The following ERMAP variants were observed in gnomAD, a reference collection of about 807,000 sequenced individuals.
ERMAP encodes erythroid membrane-associated protein.
ERMAP carries 34 observed loss-of-function variants against 49.5 expected under a neutral mutation model. That is an observed-to-expected ratio of 0.69 (90% confidence interval 0.52 to 0.91). The LOEUF is 0.91. ERMAP is among the 40% of genes least tolerant of loss of function. ERMAP has a pLI of 0.00. For synonymous variants in ERMAP, 214 were observed against 232.2 expected (o/e 0.92, Z 0.71); for missense variants, 541 against 582.6 (o/e 0.93, Z 0.74).
intron 1 of ERMAP, among the ~76,000 whole-genome samples, chr1:42,821,223 A>C (rs1320419966): frequency 2.6e-5 from 4 of 151,984 alleles, no homozygotes; most frequent in Admixed American, 6.6e-5. Flanking sequence ...TTCCTTTTGC[A>C]CTCCAAGATT....
At chr1:42,831,571 T>TTTTTC (rs1553149742) in intron 4 of ERMAP, among the ~76,000 whole-genome samples, 15 of 79,902 alleles carry the variant, frequency 1.9e-4, no homozygotes, top group East Asian at 5.0e-4. Context: ...TTTTTTTTTT[T>TTTTTC]TCTCTTTTTT....
Position 42,830,497 on chromosome 1 carries a change from CCT to C in ERMAP, c.53_54del (p.Leu18ArgfsTer70). On this transcript the variant is annotated frameshift_variant, in exon 3 of 12. Transcript: ENST00000372517. LOFTEE classifies it high-confidence loss of function. ...CTCCTGGCTCTCTGGCTGCCTCATC[CCT>C]CTCGTCTTCCTCCGGCTGTCTGTGC... Reference protein sequence around the residue: ...AGSWLSGCLIPLVFLRLSVHV... With the variant: ...AGSWLSGCLIXLVFLRLSVHV... The C allele has an allele frequency of 6.2e-7, 1 of 1,614,180 alleles. No individual in the cohort carries two copies.
At chr1:42,823,167 A>C (rs1654445939) in intron 1 of ERMAP, among the ~76,000 whole-genome samples, 1 of 152,240 alleles carries the variant, frequency 6.6e-6, no homozygotes, top group South Asian at 2.1e-4. Flanking sequence ...TTTAAAGCTT[A>C]GTTGTGACAT....
intron 1 of ERMAP, among the ~76,000 whole-genome samples, chr1:42,820,663 C>G (rs571939775): frequency 1.2e-4 from 18 of 152,086 alleles, no homozygotes; most frequent in Middle Eastern, 6.8e-3. Flanking sequence ...TGTTAATTTC[C>G]AAGAGTTTTT....
intron 2 of ERMAP, among the ~76,000 whole-genome samples, chr1:42,829,217 A>T (rs1654641749): frequency 6.6e-6 from 1 of 152,194 alleles, no homozygotes; most frequent in East Asian, 1.9e-4. Context: ...TGATTTAAAG[A>T]AAAACAAGAA....
At chr1:42,833,887 G>A (rs1276269400) in intron 4 of ERMAP, among the ~76,000 whole-genome samples, 1 of 152,050 alleles carries the variant, frequency 6.6e-6, no homozygotes, top group Non-Finnish European at 1.5e-5. Flanking sequence ...GAAACGAACT[G>A]GAGACCAGCC....
In ERMAP at chr1:42,838,922, G is replaced by GT; in HGVS notation, c.637+2dup. ...TTAGGAAAACTCCATAAAGCTGTCAGTAAGTTTTGCTCCTCATCCATGGCA... is the reference window on the plus strand; with the variant it reads ...TTAGGAAAACTCCATAAAGCTGTCAGTTAAGTTTTGCTCCTCATCCATGGCA... On this transcript the variant is annotated splice_donor_variant, in intron 8 of 11. Transcript: ENST00000372517. LOFTEE classifies it high-confidence loss of function. The GT allele has an allele frequency of 6.2e-7, 1 of 1,614,186 alleles. No individual in the cohort carries two copies. The highest frequency in any genetic ancestry group is 8.5e-7 in the Non-Finnish European group (1 of 1,180,020).
Position 42,843,306 on chromosome 1 carries a change from A to G in ERMAP, c.*74A>G. On this transcript the variant is annotated 3_prime_UTR_variant, in exon 12 of 12. Transcript: ENST00000372517. The stretch of plus-strand genomic sequence containing the variant: ...GACTTCAGTCGCCTGGCCCAACCCC[A>G]TGATTATGGAACGTCTCTTCACCTT... 9.1e-7 allele frequency: 1 copy of G among 1,093,398 alleles called. No individual in the cohort carries two copies. The highest frequency in any genetic ancestry group is 1.3e-6 in the Non-Finnish European group (1 of 771,060). 67.7% of individuals were successfully genotyped at this position (1,093,398 alleles called of 1,614,324 possible). A position where few individuals can be genotyped will look rare whatever the true frequency, so the allele number is the denominator to read the frequency against.
chr1:42,834,886 G>C lies in ERMAP; in HGVS notation c.434-152G>C, dbSNP rs113106973. ...ATCTTTAATGCTATCCAGGGCTTGA[G>C]TTATCAGAGAAGCAAAGAGCCTCTT... is the stretch of plus-strand genomic sequence containing the variant. On this transcript the variant is annotated intron_variant, in intron 4 of 11. Coordinates refer to ENST00000372517, the MANE Select transcript of ERMAP (RefSeq NM_001017922.2). 1.8e-3 allele frequency: 1,191 copies of C among 652,850 alleles called. 6 individuals are homozygous for C. In the African/African-American group the frequency reaches 0.02, roughly 11 times the overall value. 40.4% of individuals were successfully genotyped at this position (652,850 alleles called of 1,614,324 possible).
intron 8 of ERMAP, chr1:42,839,713 G>GT: frequency 2.2e-6 from 1 of 461,272 alleles, no homozygotes; most frequent in Non-Finnish European, 3.9e-6. Flanking sequence ...CTCAGTGATA[G>GT]TTTTAAATGA....
At chr1:42,839,286 C>T (rs2124354571) in intron 8 of ERMAP, 1 of 288,302 alleles carries the variant, frequency 3.5e-6, no homozygotes, top group Admixed American at 4.5e-5. Flanking sequence ...ACTTCTCCAT[C>T]ATTTCATGTG....
At chr1:42,825,776 T>G in intron 2 of ERMAP, 38 bp downstream of exon 2, 1 of 1,288,852 alleles carries the variant, frequency 7.8e-7, no homozygotes, top group Non-Finnish European at 1.0e-6. Context: ...TTTTAGTCCT[T>G]TAACTTTCTC....
At chr1:42,839,984 C>T (rs1420304759) in intron 8 of ERMAP, 49 bp from the exon 9 acceptor site, 6 of 1,605,638 alleles carry the variant, frequency 3.7e-6, no homozygotes, top group Admixed American at 1.7e-5. Context: ...GGGAGGGCCT[C>T]TACATAGAGG....
chr1:42,829,372 C>T (rs529383471), intron 2 of ERMAP, among the ~76,000 whole-genome samples: 180 of 152,324 alleles, frequency 1.2e-3, no homozygotes, highest in African/African-American at 4.2e-3. Context: ...CCATGACCTT[C>T]AGGGACTGGG....
At chr1:42,827,573 C>A (rs1471747) in intron 2 of ERMAP, among the ~76,000 whole-genome samples, 151,882 of 152,366 alleles carry the variant, frequency 1, 75,705 homozygotes, top group Middle Eastern at 1. Flanking sequence ...GATGATTTGA[C>A]ATTTTTGTCC....
rs1655127231 is a variant in ERMAP, at chr1:42,843,462, ACAAT to A, written c.*233_*236del. 1 of 448,772 alleles carries A rather than the reference ACAAT, an allele frequency of 2.2e-6. No homozygotes were observed. The highest frequency in any genetic ancestry group is 3.9e-6 in the Non-Finnish European group (1 of 255,792). 27.8% of individuals were successfully genotyped at this position (448,772 alleles called of 1,614,324 possible). A position where few individuals can be genotyped will look rare whatever the true frequency, so the allele number is the denominator to read the frequency against. On this transcript the variant is annotated 3_prime_UTR_variant, in exon 12 of 12. Coordinates refer to ENST00000372517, the MANE Select transcript of ERMAP (RefSeq NM_001017922.2). ...TGGAGGGAGGATTCCTGGAAACCAA[ACAAT>A]CAGTTTAGGTGCAGGTGGAGATGTT...
intron 8 of ERMAP, 200 bp downstream of exon 8, chr1:42,839,121 A>C: frequency 1.3e-6 from 1 of 747,710 alleles, no homozygotes; most frequent in Non-Finnish European, 2.2e-6. Context: ...ACTATTATTT[A>C]GTCTTTAAAT....
chr1:42,834,175 A>C (rs1158047885), intron 4 of ERMAP, among the ~76,000 whole-genome samples: 1 of 152,168 alleles, frequency 6.6e-6, no homozygotes, highest in Non-Finnish European at 1.5e-5. Flanking sequence ...ACTTCTACCC[A>C]TAGCCCGCTT....
intron 8 of ERMAP, 57 bp from the exon 9 acceptor site, chr1:42,839,976 G>A (rs1232902741): frequency 1.3e-6 from 2 of 1,548,492 alleles, no homozygotes; most frequent in East Asian, 2.2e-5. Context: ...AGCATTATGG[G>A]AGGGCCTCTA....
Sources: allele counts gnomAD v4.1 joint callset (sites outside exome capture counted in the v4.1 genomes callset), GRCh38; gene constraint gnomAD v4.1.1; transcripts MANE v1.5; gene names NCBI Gene and HGNC (gene_info 2026-07-23, HGNC 2026-07-21).